Variants in SYT16 observed in about 807,000 individuals in gnomAD.
SYT16 encodes the protein synaptotagmin-16.
SYT16 carries 42 observed loss-of-function variants against 61.4 expected under a neutral mutation model. The observed-to-expected ratio is 0.68, with a 90% CI of 0.53 to 0.89. The LOEUF (loss-of-function observed/expected upper bound fraction) is 0.89. Ranked by LOEUF, SYT16 falls within the 40% of genes least tolerant of loss-of-function variation. SYT16 has a pLI of 0.00. For synonymous variants in SYT16, 314 were observed against 302.3 expected (o/e 1.04, Z -0.40); for missense variants, 804 against 807.3 (o/e 1.00, Z 0.05).
At chr14:62,006,340 T>C (rs1004755945) in intron 3 of SYT16, among the ~76,000 whole-genome samples, 33 of 152,138 alleles carry the variant, frequency 2.2e-4, no homozygotes, top group African/African-American at 8.0e-4. Context: ...GGAAATACGC[T>C]AGGGAAAAGC....
rs575926280 is a variant in SYT16, at chr14:61,822,607, A to G, written c.-325+9797A>G. 1.8e-4 allele frequency among the ~76,000 whole-genome samples: 28 copies of G among 152,312 alleles called. No individual in the cohort carries two copies. The East Asian group carries it at 4.8e-3, about 26-fold the overall frequency. Reference sequence around the variant, plus strand: ...TGAGAGCTGTTGCACTGTAGAAACAATGGCGCTGGAAGGGTAATTTTTGGT... The same window carrying G: ...TGAGAGCTGTTGCACTGTAGAAACAGTGGCGCTGGAAGGGTAATTTTTGGT... On this transcript the variant is annotated intron_variant, in intron 1 of 7. Transcript: ENST00000683842.
intron 3 of SYT16, among the ~76,000 whole-genome samples, chr14:62,051,841 G>T (rs1446198759): frequency 6.6e-6 from 1 of 152,072 alleles, no homozygotes; most frequent in Non-Finnish European, 1.5e-5. Flanking sequence ...AGATCAGCCT[G>T]GGCAACCTGG....
At chr14:62,021,788 A>G (rs986812209) in intron 3 of SYT16, among the ~76,000 whole-genome samples, 25 of 152,158 alleles carry the variant, frequency 1.6e-4, no homozygotes, top group African/African-American at 6.0e-4. Context: ...TTTTGTCTGC[A>G]GCTCCTAGAA....
intron 1 of SYT16, among the ~76,000 whole-genome samples, chr14:61,900,415 T>A (rs752632080): frequency 3.9e-5 from 6 of 152,100 alleles, no homozygotes; most frequent in Non-Finnish European, 5.9e-5. Context: ...ACCTCAGCCT[T>A]CCAAAATGTT....
chr14:62,010,263 C>T (rs958036054), intron 3 of SYT16, among the ~76,000 whole-genome samples: 3 of 152,134 alleles, frequency 2.0e-5, no homozygotes, highest in Non-Finnish European at 4.4e-5. Context: ...ATAAATATAA[C>T]ATGTCAGGTG....
chr14:62,026,627 C>T (rs763267067), intron 3 of SYT16, among the ~76,000 whole-genome samples: 1 of 152,174 alleles, frequency 6.6e-6, no homozygotes, highest in Admixed American at 6.5e-5. Flanking sequence ...CAAACCATAG[C>T]CCCCATTTTC....
chr14:61,901,807 G>A (rs756337574), intron 1 of SYT16, among the ~76,000 whole-genome samples: 4 of 151,008 alleles, frequency 2.6e-5, no homozygotes, highest in Non-Finnish European at 5.9e-5. Context: ...TGTCGCCCAG[G>A]CTGGAGTACA....
intron 1 of SYT16, chr14:61,864,986 T>C (rs1388719888): frequency 2.2e-6 from 3 of 1,394,110 alleles, no homozygotes; most frequent in Non-Finnish European, 3.1e-6. Context: ...GGGCCCCTCT[T>C]ACAGTGGCAG....
intron 1 of SYT16, among the ~76,000 whole-genome samples, chr14:61,847,152 C>T (rs1594751013): frequency 6.6e-6 from 1 of 152,204 alleles, no homozygotes; most frequent in Non-Finnish European, 1.5e-5. Flanking sequence ...AGTTTTACAC[C>T]TTCAGATGAT....
chr14:61,835,582 G>A (rs1377000330), intron 1 of SYT16, among the ~76,000 whole-genome samples: 2 of 151,166 alleles, frequency 1.3e-5, no homozygotes, highest in Non-Finnish European at 2.9e-5. Context: ...TTTTATGATT[G>A]ATTTTATCAA....
At chr14:61,869,458 C>T (rs921529617) in intron 1 of SYT16, among the ~76,000 whole-genome samples, 20 of 152,034 alleles carry the variant, frequency 1.3e-4, no homozygotes, top group Admixed American at 8.5e-4. Context: ...TACAGTATAA[C>T]TTTTAAATTT....
chr14:61,833,668 C>A (rs961287855), intron 1 of SYT16, among the ~76,000 whole-genome samples: 3 of 131,024 alleles, frequency 2.3e-5, no homozygotes, highest in African/African-American at 8.9e-5. Context: ...TCCCAAAGTG[C>A]TGGGATTACA....
At chr14:62,089,318 C>CAAAAAAAAA (rs11370731) in intron 7 of SYT16, among the ~76,000 whole-genome samples, 1 of 140,234 alleles carries the variant, frequency 7.1e-6, no homozygotes. Context: ...GATTCCATCT[C>CAAAAAAAAA]AAAAAAAAAA....
At chr14:62,006,562 A>G (rs981679030) in intron 3 of SYT16, among the ~76,000 whole-genome samples, 3 of 152,182 alleles carry the variant, frequency 2.0e-5, no homozygotes, top group African/African-American at 7.2e-5. Context: ...ATTTCTGGGC[A>G]CTTACTAAGG....
intron 3 of SYT16, among the ~76,000 whole-genome samples, chr14:62,019,144 G>T (rs2053819906): frequency 6.6e-6 from 1 of 152,136 alleles, no homozygotes; most frequent in Non-Finnish European, 1.5e-5. Context: ...ACTTCACAAT[G>T]CCTTAGAAAG....
intron 1 of SYT16, among the ~76,000 whole-genome samples, chr14:61,862,421 C>G (rs909598437): frequency 5.3e-5 from 8 of 152,168 alleles, no homozygotes; most frequent in Non-Finnish European, 1.0e-4. Flanking sequence ...TTTGGAGATT[C>G]ATCATTGTTC....
chr14:62,011,506 C>G (rs749592543), intron 3 of SYT16, among the ~76,000 whole-genome samples: 1 of 152,134 alleles, frequency 6.6e-6, no homozygotes, highest in Non-Finnish European at 1.5e-5. Flanking sequence ...TCTCTGAAGC[C>G]AGGGAAATGT....
chr14:62,019,499 C>G (rs557292978), intron 3 of SYT16, among the ~76,000 whole-genome samples: 2 of 152,226 alleles, frequency 1.3e-5, no homozygotes, highest in South Asian at 2.1e-4. Context: ...ATAATGGTAT[C>G]TAGTTAGATG....
chr14:61,996,164 T>C lies in SYT16; in HGVS notation c.145T>C (p.Leu49=). The C allele has an allele frequency of 1.9e-6, 3 of 1,613,410 alleles. No individual in the cohort carries two copies. Among genetic ancestry groups the C allele is most frequent in the African/African-American group, 1.3e-5 (1 of 74,982 alleles). Reference sequence around the variant, plus strand: ...TAACATAAGCAAACAAGACTCTAAATTGAGTGACAAACTAGATCAGGACTT... The same window carrying C: ...TAACATAAGCAAACAAGACTCTAAACTGAGTGACAAACTAGATCAGGACTT... ...LVNISKQDSK[L]SDKLDQDLDN... The change falls in exon 3 of 8, where the codon TTG becomes CTG. Residue 49 remains leucine (L), a synonymous_variant. Coordinates refer to ENST00000683842, the MANE Select transcript of SYT16 (RefSeq NM_001367656.1).
Sources: gnomAD v4.1 joint callset for allele counts (sites outside exome capture counted in the v4.1 genomes callset) on GRCh38, gnomAD v4.1.1 for gene constraint, MANE v1.5 for transcripts, NCBI Gene and HGNC (gene_info 2026-07-23, HGNC 2026-07-21) for gene names.